Variants in IQGAP2 observed in about 807,000 individuals in gnomAD.
The protein encoded by IQGAP2 is ras GTPase-activating-like protein IQGAP2.
IQGAP2 carries 173 observed loss-of-function variants against 201.3 expected under a neutral mutation model. The observed-to-expected ratio is 0.86, with a 90% CI of 0.76 to 0.98. The LOEUF (loss-of-function observed/expected upper bound fraction) is 0.98. IQGAP2 is among the 50% of genes least tolerant of loss of function. The pLI is 0.00. For synonymous variants in IQGAP2, 675 were observed against 673.9 expected (o/e 1.00, Z -0.03); for missense variants, 1,687 against 1,864.8 (o/e 0.90, Z 1.76).
At chr5:76,665,796 C>T (rs1743703798) in intron 22 of IQGAP2, among the ~76,000 whole-genome samples, 1 of 152,198 alleles carries the variant, frequency 6.6e-6, no homozygotes, top group African/African-American at 2.4e-5. Context: ...TGATGGATCA[C>T]TTATTGTTTT....
rs1749247771 is a variant in IQGAP2, at chr5:76,618,522, GC to G, written c.1521+7340del. 5 of 1,614,116 alleles carry G rather than the reference GC, an allele frequency of 3.1e-6. No homozygotes were observed. The East Asian group carries it at 1.1e-4, about 36-fold the overall frequency. On this transcript the variant is annotated intron_variant, in intron 13 of 35. Coordinates refer to ENST00000274364, the MANE Select transcript of IQGAP2 (RefSeq NM_006633.5). ...GCACTTAATTTTTACAGTAATCGTG[GC>G]TCCTGTCCAGCCTTCCAAGGCAGAA...
intron 17 of IQGAP2, among the ~76,000 whole-genome samples, chr5:76,644,846 CA>C (rs913426616): frequency 2.0e-5 from 3 of 152,160 alleles, no homozygotes; most frequent in Admixed American, 6.5e-5. Context: ...TTCTATGGAA[CA>C]AAAAAATTCT....
intron 2 of IQGAP2, among the ~76,000 whole-genome samples, chr5:76,538,008 A>G (rs1176702159): frequency 6.6e-6 from 1 of 152,226 alleles, no homozygotes; most frequent in African/African-American, 2.4e-5. Flanking sequence ...GCCCATTCTC[A>G]TGATGCTAAT....
At chr5:76,644,813 A>G (rs1751899286) in intron 17 of IQGAP2, among the ~76,000 whole-genome samples, 1 of 152,194 alleles carries the variant, frequency 6.6e-6, no homozygotes, top group Non-Finnish European at 1.5e-5. Flanking sequence ...GGCAAATGAA[A>G]GATGAGGCAT....
chr5:76,408,507 T>C lies in IQGAP2; in HGVS notation c.46+4916T>C, dbSNP rs114968867. Among the ~76,000 whole-genome samples, 273 of 152,308 alleles carry C rather than the reference T, an allele frequency of 1.8e-3. 2 individuals carry two copies. The highest frequency in any genetic ancestry group is 6.3e-3 in the African/African-American group (263 of 41,578). On this transcript the variant is annotated intron_variant, in intron 1 of 35. Transcript: ENST00000274364. ...TGTCAGATCCTGGAGCCTTTCCTCA[T>C]TGACTGTTGCAACTTTGCTGCCCCT...
intron 30 of IQGAP2, among the ~76,000 whole-genome samples, chr5:76,689,622 T>C (rs529760331): frequency 2.0e-5 from 3 of 152,322 alleles, no homozygotes; most frequent in African/African-American, 7.2e-5. Flanking sequence ...GCTTAAATTG[T>C]CATCTCTTAA....
chr5:76,449,282 T>C (rs1264581535), intron 1 of IQGAP2, among the ~76,000 whole-genome samples: 1 of 152,212 alleles, frequency 6.6e-6, no homozygotes, highest in African/African-American at 2.4e-5. Flanking sequence ...CAAACTCTCT[T>C]CATCTAGAAA....
chr5:76,506,860 A>G (rs1757631428), intron 2 of IQGAP2, among the ~76,000 whole-genome samples: 1 of 152,256 alleles, frequency 6.6e-6, no homozygotes, highest in South Asian at 2.1e-4. Context: ...TGAAAGAAAT[A>G]AAAGAGGAAC....
rs147472380 is a variant in IQGAP2 at position 76,692,557 on chromosome 5, C to T, written c.3906-798C>T. ...TAGCTTTTATGTTAAAACCTTTGTA[C>T]GTAATTACATAACATGATGCCTCCC... On this transcript the variant is annotated intron_variant, in intron 30 of 35. Coordinates refer to ENST00000274364, the MANE Select transcript of IQGAP2 (RefSeq NM_006633.5). Among the ~76,000 whole-genome samples, 1,356 of 152,202 alleles carry T rather than the reference C, an allele frequency of 8.9e-3. 22 individuals are homozygous for T. Among genetic ancestry groups the T allele is most frequent in the African/African-American group, 0.03 (1,260 of 41,514 alleles).
At chr5:76,424,883 A>G (rs1345965634) in intron 1 of IQGAP2, among the ~76,000 whole-genome samples, 1 of 152,222 alleles carries the variant, frequency 6.6e-6, no homozygotes, top group Admixed American at 6.5e-5. Context: ...GCACTCTCAC[A>G]GAGAGAGTGC....
chr5:76,455,701 C>A (rs1030556628), intron 1 of IQGAP2, among the ~76,000 whole-genome samples: 3 of 152,102 alleles, frequency 2.0e-5, no homozygotes, highest in African/African-American at 7.2e-5. Flanking sequence ...CTATTCCAGG[C>A]CCTAGTGACC....
intron 5 of IQGAP2, among the ~76,000 whole-genome samples, chr5:76,576,198 A>G (rs111350803): frequency 0.017 from 1,906 of 111,218 alleles, 37 homozygotes; most frequent in African/African-American, 0.068. Flanking sequence ...AATTCTTACA[A>G]ATTAAGAAAA....
At chr5:76,576,298 A>G (rs1303894050) in intron 5 of IQGAP2, among the ~76,000 whole-genome samples, 1 of 152,272 alleles carries the variant, frequency 6.6e-6, no homozygotes, top group African/African-American at 2.4e-5. Context: ...GGTGTAAATT[A>G]GTCAAATCAA....
rs80180562 is a variant in IQGAP2, at chr5:76,701,306, C to T, written c.4505+93C>T. The T allele has an allele frequency of 1.7e-4, 201 of 1,161,786 alleles. 1 individual carries two copies. The East Asian group carries it at 4.6e-3, about 27-fold the overall frequency. The allele number at this position is 1,161,786 out of a possible 1,614,324, so 72.0% of individuals were successfully genotyped here. A position where few individuals can be genotyped will look rare whatever the true frequency, so the allele number is the denominator to read the frequency against. Reference sequence around the variant, plus strand: ...TCCATTTGGTCTAGCAAGGCTTAACCTCAATTACTGATGGGTGACAAGGGA... The same window carrying T: ...TCCATTTGGTCTAGCAAGGCTTAACTTCAATTACTGATGGGTGACAAGGGA... On this transcript the variant is annotated intron_variant, in intron 34 of 35. Coordinates refer to ENST00000274364, the MANE Select transcript of IQGAP2 (RefSeq NM_006633.5).
intron 30 of IQGAP2, among the ~76,000 whole-genome samples, chr5:76,685,129 T>C (rs535828082): frequency 6.6e-6 from 1 of 152,316 alleles, no homozygotes; most frequent in South Asian, 2.1e-4. Context: ...GGACTCACCC[T>C]TGGCCTCACA....
chr5:76,570,779 C>A, intron 4 of IQGAP2, 122 bp downstream of exon 4: 1 of 698,582 alleles, frequency 1.4e-6, no homozygotes, highest in Non-Finnish European at 2.5e-6. Flanking sequence ...AATGTGAGGA[C>A]TAAAAAACAT....
chr5:76,509,619 C>A, intron 2 of IQGAP2, among the ~76,000 whole-genome samples: 1 of 152,138 alleles, frequency 6.6e-6, no homozygotes, highest in East Asian at 1.9e-4. Context: ...TGGCCTCAAT[C>A]TCTTGACCTC....
intron 1 of IQGAP2, among the ~76,000 whole-genome samples, chr5:76,458,001 T>A (rs1004456537): frequency 3.9e-5 from 6 of 152,244 alleles, no homozygotes; most frequent in Non-Finnish European, 8.8e-5. Context: ...CAAGTTACTT[T>A]AAAATGAAAA....
chr5:76,405,246 A>T (rs2041594532), intron 1 of IQGAP2, among the ~76,000 whole-genome samples: 1 of 152,210 alleles, frequency 6.6e-6, no homozygotes, highest in South Asian at 2.1e-4. Flanking sequence ...TTCACGGAAT[A>T]AATCTGTGTT....
Sources: gnomAD v4.1 joint callset for allele counts (sites outside exome capture counted in the v4.1 genomes callset) on GRCh38, gnomAD v4.1.1 for gene constraint, MANE v1.5 for transcripts, NCBI Gene and HGNC (gene_info 2026-07-23, HGNC 2026-07-21) for gene names.